HAS3: variants seen among roughly 807,000 people sequenced by gnomAD.
HAS3 encodes the protein HA synthase 3.
In HAS3, 27 loss-of-function variants were observed where a neutral mutation model predicts 50.3. That is an observed-to-expected ratio of 0.54 (90% CI 0.40 to 0.74). The LOEUF (loss-of-function observed/expected upper bound fraction) is 0.74, where lower values mean the gene tolerates loss of function less well. Ranked by LOEUF, HAS3 falls within the 30% of genes least tolerant of loss-of-function variation. The pLI, the probability that HAS3 is intolerant of heterozygous loss-of-function variation, is 0.00. For synonymous variants in HAS3, 339 were observed against 310.9 expected (o/e 1.09, Z -0.95); for missense variants, 517 against 742.8 (o/e 0.70, Z 3.53).
intron 2 of HAS3, 44 bp from the exon 3 acceptor site, chr16:69,113,397 C>A: frequency 1.6e-6 from 2 of 1,264,312 alleles, no homozygotes; most frequent in Non-Finnish European, 2.3e-6. Flanking sequence ...ACAGGGTGTG[C>A]AGGTCTGAGG....
At chr16:69,083,516 A>C in the HAS3 span, 2 of 1,612,458 alleles carry the variant, frequency 1.2e-6, no homozygotes, top group Non-Finnish European at 1.7e-6. Context: ...GATCTCTACC[A>C]CCTGCTGAAG....
the HAS3 span, among the ~76,000 whole-genome samples, chr16:69,093,869 C>T: frequency 5.3e-5 from 8 of 152,226 alleles, no homozygotes; most frequent in East Asian, 1.9e-4. Flanking sequence ...TTGCAAGAAG[C>T]TCAAAGCATA....
In HAS3 at chr16:69,107,320, C is replaced by T. The variant is rs781440970; in HGVS notation, c.-1+1533C>T. The T allele has an allele frequency of 2.0e-5, 20 of 983,160 alleles. No homozygotes were observed. The highest frequency in any genetic ancestry group is 2.4e-5 in the Non-Finnish European group (20 of 827,966). 60.9% of individuals were successfully genotyped at this position (983,160 alleles called of 1,614,324 possible). A position where few individuals can be genotyped will look rare whatever the true frequency, so the allele number is the denominator to read the frequency against. On this transcript the variant is annotated intron_variant, in intron 1 of 3. Transcript: ENST00000569188. The surrounding 1 kb of genome is among the most constrained non-coding windows in gnomAD (Gnocchi z 5.5). ...TAATTCCTGCGGGGGAGGGGTCCCG[C>T]CCAGGGAAGGAGAGGGCCGGCTACA...
chr16:69,110,493 C>T (rs1268790617), intron 2 of HAS3, among the ~76,000 whole-genome samples: 3 of 152,146 alleles, frequency 2.0e-5, no homozygotes, highest in Non-Finnish European at 4.4e-5. Flanking sequence ...TCAATACGCA[C>T]TATAGCCTCA....
At chr16:69,102,345 A>G (rs576455519), upstream of HAS3, among the ~76,000 whole-genome samples, 4 of 152,360 alleles carry the variant, frequency 2.6e-5, no homozygotes, top group South Asian at 8.3e-4. Context: ...GTGTGGAATT[A>G]GCCCTATTTC....
At chr16:69,098,899 A>G in the HAS3 span, among the ~76,000 whole-genome samples, 2 of 151,820 alleles carry the variant, frequency 1.3e-5, no homozygotes, top group Non-Finnish European at 2.9e-5. Flanking sequence ...TTACGACCTC[A>G]GGTGATCTGC....
chr16:69,104,628 C>T (rs544867709), upstream of HAS3, among the ~76,000 whole-genome samples: 6 of 152,068 alleles, frequency 3.9e-5, no homozygotes, highest in East Asian at 5.8e-4. Flanking sequence ...TTTGTAGAGA[C>T]GGGGGAAGTC....
At chr16:69,083,738 C>T in the HAS3 span, 1 of 1,469,710 alleles carries the variant, frequency 6.8e-7, no homozygotes, top group East Asian at 2.5e-5. Context: ...AGCAGGTGGC[C>T]CTGCTGCCTC....
chr16:69,099,978 G>A, the HAS3 span, among the ~76,000 whole-genome samples: 1 of 152,154 alleles, frequency 6.6e-6, no homozygotes, highest in Non-Finnish European at 1.5e-5. Context: ...CTTCAAGCCA[G>A]CATAAAAGAA....
At chr16:69,100,561 AG>A in the HAS3 span, among the ~76,000 whole-genome samples, 1 of 152,048 alleles carries the variant, frequency 6.6e-6, no homozygotes, top group African/African-American at 2.4e-5. Context: ...GCAGAGGGTG[AG>A]GGGGCAGCCT....
chr16:69,114,752 C>T lies in HAS3; in HGVS notation c.1148C>T (p.Ser383Leu), dbSNP rs1390562580. Reference sequence around the variant, plus strand: ...CACCACCTCTGGATGACCTACGAGTCAGTGGTCACGGGTTTCTTCCCCTTC... The same window carrying T: ...CACCACCTCTGGATGACCTACGAGTTAGTGGTCACGGGTTTCTTCCCCTTC... ...HKHHLWMTYESVVTGFFPFFL... is the reference protein window; with the variant it reads ...HKHHLWMTYELVVTGFFPFFL... Residue 383 changes from serine (S) to leucine (L), a missense_variant, in exon 4 of 4, where the codon TCA (serine) becomes TTA (leucine). Ser to Leu is a moderately radical substitution (Grantham distance 145). Transcript: ENST00000569188. The surrounding 1 kb of genome is among the most constrained non-coding windows in gnomAD (Gnocchi z 6.4). 1 of 1,614,168 alleles carries T rather than the reference C, an allele frequency of 6.2e-7. No homozygotes were observed. Among genetic ancestry groups the T allele is most frequent in the Non-Finnish European group, 8.5e-7 (1 of 1,180,044 alleles).
chr16:69,115,034 A>G lies in HAS3; in HGVS notation c.1430A>G (p.Asn477Ser). Residue 477 changes from asparagine (N) to serine (S), a missense_variant, in exon 4 of 4, where the codon AAC (asparagine) becomes AGC (serine). Coordinates refer to ENST00000569188, the MANE Select transcript of HAS3 (RefSeq NM_001199280.2). The stretch of plus-strand genomic sequence containing the variant: ...TCTGGCCGAAAAACCATTGTGGTGA[A>G]CTTCATTGGCCTCATTCCTGTGTCC... The part of the protein sequence containing the change: ...GTSGRKTIVV[N>S]FIGLIPVSIW... The G allele has an allele frequency of 1.2e-6, 2 of 1,614,096 alleles. No individual in the cohort carries two copies. The highest frequency in any genetic ancestry group is 1.7e-6 in the Non-Finnish European group (2 of 1,180,010).
chr16:69,089,856 C>G, the HAS3 span, among the ~76,000 whole-genome samples: 1 of 152,208 alleles, frequency 6.6e-6, no homozygotes, highest in African/African-American at 2.4e-5. Context: ...GTGCCCTCTG[C>G]GGTTCTTTGT....
In HAS3 at chr16:69,113,497, C is replaced by T. The variant is rs752939821; in HGVS notation, c.693C>T (p.Val231=). The change falls in exon 3 of 4, where the codon GTC becomes GTT. Residue 231 remains valine (V), a synonymous_variant. Transcript: ENST00000569188. ...DPACTIEMLR[V]LEEDPQVGGV... is the part of the protein sequence containing the mutation. Reference sequence around the variant, plus strand: ...CCTGCACCATCGAGATGCTTCGAGTCCTGGAGGAGGATCCCCAAGTAGGGG... The same window carrying T: ...CCTGCACCATCGAGATGCTTCGAGTTCTGGAGGAGGATCCCCAAGTAGGGG... 3 of 1,613,414 alleles carry T rather than the reference C, an allele frequency of 1.9e-6. No homozygotes were observed. The highest frequency in any genetic ancestry group is 2.5e-6 in the Non-Finnish European group (3 of 1,179,544).
chr16:69,088,508 G>A, the HAS3 span, among the ~76,000 whole-genome samples: 1 of 148,262 alleles, frequency 6.7e-6, no homozygotes, highest in African/African-American at 2.5e-5. Context: ...TGCAGTGAGT[G>A]AGACTGTGCT....
chr16:69,108,893 C>A (rs906215404), intron 1 of HAS3, among the ~76,000 whole-genome samples: 2 of 152,216 alleles, frequency 1.3e-5, no homozygotes, highest in African/African-American at 4.8e-5. Context: ...CTGCACTTTA[C>A]TGGTGAATAT....
chr16:69,102,387 G>T (rs1451489681), upstream of HAS3, among the ~76,000 whole-genome samples: 10 of 152,134 alleles, frequency 6.6e-5, no homozygotes, highest in Admixed American at 2.0e-4. Context: ...AGATAAACTC[G>T]AGCTTGATTG....
In HAS3 at chr16:69,117,025, C is replaced by T; in HGVS notation, c.*1759C>T. 2 of 985,492 alleles carry T rather than the reference C, an allele frequency of 2.0e-6. No individual in the cohort carries two copies. Among genetic ancestry groups the T allele is most frequent in the African/African-American group, 3.5e-5 (2 of 57,360 alleles). 61.0% of individuals were successfully genotyped at this position (985,492 alleles called of 1,614,324 possible). A position where few individuals can be genotyped will look rare whatever the true frequency, so the allele number is the denominator to read the frequency against. On this transcript the variant is annotated 3_prime_UTR_variant, in exon 4 of 4. Transcript: ENST00000569188. ...TCAAGGGTTTTCCAGGTGTAGCTAA[C>T]AGTTGCCACATCACACAGACCTCGA...
At chr16:69,104,415 A>G (rs924435800), upstream of HAS3, among the ~76,000 whole-genome samples, 4 of 146,354 alleles carry the variant, frequency 2.7e-5, no homozygotes, top group African/African-American at 5.1e-5. Flanking sequence ...TTCTGCCTCA[A>G]CCTTCCCAGT....
Sources: allele counts gnomAD v4.1 joint callset (sites outside exome capture counted in the v4.1 genomes callset), GRCh38; gene constraint gnomAD v4.1.1; non-coding constraint Gnocchi (gnomAD v3.1); transcripts MANE v1.5; gene names NCBI Gene and HGNC (gene_info 2026-07-23, HGNC 2026-07-21).